The following CYP2C18 variants were observed in gnomAD, a reference collection of about 807,000 sequenced individuals.
CYP2C18 encodes the protein cytochrome P450 family 2 subfamily C member 18.
Under a neutral mutation model 41.3 loss-of-function variants are expected in CYP2C18, and 38 were observed. The observed-to-expected ratio is 0.92, with a 90% CI of 0.71 to 1.21. The LOEUF (loss-of-function observed/expected upper bound fraction) is 1.21. Ranked by LOEUF, CYP2C18 falls within the 50% of genes most tolerant of loss-of-function variation. CYP2C18 has a pLI of 0.00. For missense variants in CYP2C18, 635 were observed against 591.4 expected (o/e 1.07, Z -0.77); for synonymous variants, 236 against 210.0 (o/e 1.12, Z -1.07).
intron 5 of CYP2C18, among the ~76,000 whole-genome samples, chr10:94,713,264 G>A (rs1051025785): frequency 1.3e-5 from 2 of 151,974 alleles, no homozygotes; most frequent in Non-Finnish European, 2.9e-5. Flanking sequence ...CATGTGCCAT[G>A]TAGGTGTGCT....
intron 6 of CYP2C18, among the ~76,000 whole-genome samples, chr10:94,722,300 A>G (rs1847659952): frequency 6.6e-6 from 1 of 152,144 alleles, no homozygotes; most frequent in Non-Finnish European, 1.5e-5. Flanking sequence ...TATCTTTTAC[A>G]AGCAACTTTT....
In CYP2C18 at chr10:94,735,743, G is replaced by C. The variant is rs895468351; in HGVS notation, c.*299G>C. 1 of 313,966 alleles carries C rather than the reference G, an allele frequency of 3.2e-6. No homozygotes were observed. The highest frequency in any genetic ancestry group is 5.8e-6 in the Non-Finnish European group (1 of 171,074). 19.4% of individuals were successfully genotyped at this position (313,966 alleles called of 1,614,324 possible). ...TTATCACTAGAAAACAAAGAAAAAT[G>C]ATTAATAAATGACAATTCAGAGCCA... On this transcript the variant is annotated 3_prime_UTR_variant, in exon 9 of 9. Transcript: ENST00000285979.
chr10:94,719,837 G>A (rs1178729676), intron 5 of CYP2C18, among the ~76,000 whole-genome samples: 1 of 151,950 alleles, frequency 6.6e-6, no homozygotes, highest in Non-Finnish European at 1.5e-5. Context: ...GCCTCCCAAA[G>A]TGCTGGGATT....
At chr10:94,728,565 A>T (rs1847780171) in intron 7 of CYP2C18, 20 of 806,544 alleles carry the variant, frequency 2.5e-5, no homozygotes, top group Non-Finnish European at 3.0e-5. Flanking sequence ...GGTTGGATTC[A>T]TCTCTGATGA....
chr10:94,693,223 G>A (rs1289139603), intron 3 of CYP2C18, among the ~76,000 whole-genome samples: 1 of 152,114 alleles, frequency 6.6e-6, no homozygotes, highest in Non-Finnish European at 1.5e-5. Flanking sequence ...TTGGATCATG[G>A]GGGTGGATTT....
At chr10:94,710,060 C>T (rs1200264855) in intron 5 of CYP2C18, among the ~76,000 whole-genome samples, 3 of 152,104 alleles carry the variant, frequency 2.0e-5, no homozygotes, top group Non-Finnish European at 4.4e-5. Flanking sequence ...GCCTCTACCT[C>T]CCGGGCTCAG....
At chr10:94,710,490 T>C (rs1167701331) in intron 5 of CYP2C18, among the ~76,000 whole-genome samples, 1 of 152,232 alleles carries the variant, frequency 6.6e-6, no homozygotes, top group African/African-American at 2.4e-5. Context: ...TTTAACGATA[T>C]TAAGTCTTCC....
chr10:94,687,894 G>A lies in CYP2C18; in HGVS notation c.293G>A (p.Gly98Glu), dbSNP rs770145786. 2 of 1,613,818 alleles carry A rather than the reference G, an allele frequency of 1.2e-6. No homozygotes were observed. The highest frequency in any genetic ancestry group is 2.2e-5 in the South Asian group (2 of 91,074). Residue 98 changes from glycine (G) to glutamate (E), a missense_variant, in exon 2 of 9, where the codon GGA (glycine) becomes GAA (glutamate). Physicochemically the swap from Gly to Glu is moderately conservative, Grantham distance 98. Transcript: ENST00000285979. Reference sequence around the variant, plus strand: ...CATGGAGAGGAGTTTTCTGGAAGAGGAAGTTTTCCAGTGGCTGAAAAAGTT... The same window carrying A: ...CATGGAGAGGAGTTTTCTGGAAGAGAAAGTTTTCCAGTGGCTGAAAAAGTT... Reference protein sequence around the residue: ...IDHGEEFSGRGSFPVAEKVNK... With the variant: ...IDHGEEFSGRESFPVAEKVNK...
At chr10:94,706,700 C>T in intron 4 of CYP2C18, 84 bp from the exon 5 acceptor site, 1 of 733,340 alleles carries the variant, frequency 1.4e-6, no homozygotes, top group Non-Finnish European at 2.2e-6. Flanking sequence ...TAAAAATTCA[C>T]TCCAGTTTTA....
chr10:94,732,415 G>A (rs145216848), intron 7 of CYP2C18, among the ~76,000 whole-genome samples: 23 of 152,182 alleles, frequency 1.5e-4, no homozygotes, highest in African/African-American at 5.3e-4. Flanking sequence ...CAGTTTGGAG[G>A]TTTCTCAAAG....
chr10:94,711,431 CA>C (rs1847434167), intron 5 of CYP2C18, among the ~76,000 whole-genome samples: 1 of 151,822 alleles, frequency 6.6e-6, no homozygotes, highest in South Asian at 2.1e-4. Flanking sequence ...TTTTCTCAGA[CA>C]GAGTCTTACT....
At chr10:94,734,125 A>G (rs1321659587) in intron 8 of CYP2C18, among the ~76,000 whole-genome samples, 2 of 152,066 alleles carry the variant, frequency 1.3e-5, no homozygotes, top group Non-Finnish European at 2.9e-5. Context: ...GTAGCAGGAC[A>G]TTTTCTGTAG....
chr10:94,723,063 G>T (rs1564647612), intron 6 of CYP2C18, among the ~76,000 whole-genome samples: 2 of 152,114 alleles, frequency 1.3e-5, no homozygotes, highest in Admixed American at 1.3e-4. Context: ...GATAAATTAG[G>T]TCACCTGTGA....
At chr10:94,699,820 T>A (rs1480805978) in intron 4 of CYP2C18, among the ~76,000 whole-genome samples, 1 of 152,114 alleles carries the variant, frequency 6.6e-6, no homozygotes, top group Admixed American at 6.6e-5. Flanking sequence ...ACAAGCATTC[T>A]TATACACCAA....
chr10:94,707,860 T>A (rs1326776005), intron 5 of CYP2C18, among the ~76,000 whole-genome samples: 1 of 152,180 alleles, frequency 6.6e-6, no homozygotes, highest in Non-Finnish European at 1.5e-5. Context: ...GACATTCTCT[T>A]TGATAACTTT....
intron 7 of CYP2C18, among the ~76,000 whole-genome samples, chr10:94,730,243 G>A (rs1847804849): frequency 1.3e-5 from 2 of 152,164 alleles, no homozygotes; most frequent in South Asian, 4.2e-4. Flanking sequence ...AAATTTTTAG[G>A]ATGTGAATAT....
intron 3 of CYP2C18, among the ~76,000 whole-genome samples, chr10:94,689,700 G>A (rs1846961960): frequency 6.6e-6 from 1 of 152,076 alleles, no homozygotes; most frequent in Non-Finnish European, 1.5e-5. Context: ...CCCAATATTA[G>A]AGAATATTGA....
chr10:94,695,603 T>G (rs1325404646), intron 4 of CYP2C18, among the ~76,000 whole-genome samples: 2 of 152,042 alleles, frequency 1.3e-5, no homozygotes, highest in Non-Finnish European at 2.9e-5. Context: ...AGGTACTGGG[T>G]TCATCTCACT....
Position 94,735,277 on chromosome 10 carries a change from A to T in CYP2C18, c.1306A>T (p.Met436Leu). The T allele has an allele frequency of 6.2e-7, 1 of 1,613,510 alleles. No homozygotes were observed. The highest frequency in any genetic ancestry group is 8.5e-7 in the Non-Finnish European group (1 of 1,179,630). Residue 436 changes from methionine to leucine, a missense_variant, in exon 9 of 9, where the codon ATG becomes TTG. Transcript: ENST00000285979. ...CTTATTTTCAGGAAAACGGATGTGT[A>T]TGGGAGAGGGCCTGGCCCGCATGGA... is the stretch of plus-strand genomic sequence containing the variant. ...MPFSAGKRMC[M>L]GEGLARMELF... is the part of the protein sequence containing the mutation.
Sources: allele counts gnomAD v4.1 joint callset (sites outside exome capture counted in the v4.1 genomes callset), GRCh38; gene constraint gnomAD v4.1.1; transcripts MANE v1.5; gene names NCBI Gene and HGNC (gene_info 2026-07-23, HGNC 2026-07-21).